Variants in DYM observed in about 807,000 individuals in gnomAD.
DYM encodes dymeclin, also known as dyggve-Melchior-Clausen syndrome protein.
DYM carries 78 observed loss-of-function variants against 93.1 expected under a neutral mutation model. The observed-to-expected ratio is 0.84, with a 90% CI of 0.70 to 1.01. The LOEUF (loss-of-function observed/expected upper bound fraction) is 1.01, where lower values mean the gene tolerates loss of function less well. Among genes scored for constraint, DYM ranks in the 50% least tolerant of loss-of-function variants. DYM has a pLI of 0.00. For missense variants in DYM, 789 were observed against 845.0 expected, an observed-to-expected ratio of 0.93 and a Z score of 0.82; for synonymous variants, 321 against 319.7, an observed-to-expected ratio of 1.00 and a Z score of -0.04.
At chr18:49,447,477 A>G (rs571244059) in intron 1 of DYM, 1 of 152,256 alleles carries the variant, frequency 6.6e-6, no homozygotes, top group Non-Finnish European at 1.5e-5. Flanking sequence ...TACAACATTC[A>G]TAAGAACGGT....
Position 49,378,592 on chromosome 18 carries a change from A to T in DYM, c.396T>A (p.Tyr132Ter), listed in dbSNP as rs120074162. ...SEEELQLHFTYEEKSPGNYSS... is the reference protein window; with the variant it reads ...SEEELQLHFT ...TGTAATTGCCAGGAGATTTTTCTTC[A>T]TAAGTAAAATGAAGTTGTAATTCCT... is the stretch of plus-strand genomic sequence containing the variant. The change falls in exon 5 of 18, where the codon TAT becomes TAA. Residue 132 changes from tyrosine to a stop codon, truncating the protein, a stop_gained. Transcript: ENST00000675505. LOFTEE classifies it high-confidence loss of function. 9 of 1,611,986 alleles carry T rather than the reference A, an allele frequency of 5.6e-6. No individual in the cohort carries two copies. The highest frequency in any genetic ancestry group is 4.0e-5 in the African/African-American group (3 of 74,976).
chr18:49,214,306 A>G (rs1378555794), intron 13 of DYM, among the ~76,000 whole-genome samples: 1 of 152,220 alleles, frequency 6.6e-6, no homozygotes, highest in East Asian at 1.9e-4. Context: ...CAGTGGTGGC[A>G]TTAGATTCTC....
At chr18:49,448,322 CTGGAACCATT>C (rs1814282142) in intron 1 of DYM, among the ~76,000 whole-genome samples, 1 of 152,172 alleles carries the variant, frequency 6.6e-6, no homozygotes, top group Non-Finnish European at 1.5e-5. Flanking sequence ...TGGAAGTTAA[CTGGAACCATT>C]ATCTAAGGGT....
intron 1 of DYM, among the ~76,000 whole-genome samples, chr18:49,446,096 C>T (rs913276522): frequency 4.6e-5 from 7 of 152,036 alleles, no homozygotes; most frequent in African/African-American, 1.7e-4. Flanking sequence ...GATTTATAAA[C>T]GCAGAGGTAA....
At chr18:49,056,458 C>T (rs749480761) in intron 17 of DYM, among the ~76,000 whole-genome samples, 21 of 152,232 alleles carry the variant, frequency 1.4e-4, no homozygotes, top group Non-Finnish European at 2.8e-4. Context: ...TAAAAATATT[C>T]GTATTTGTAA....
Position 49,292,627 on chromosome 18 carries a change from C to CA in DYM, c.764-6012_764-6011insT, listed in dbSNP as rs1182623256. ...AAAAAAAAAAAAAAAAAAAAAAAAC[C>CA]CCCACAAAAACCTGTCCACCAGAAA... On this transcript the variant is annotated intron_variant, in intron 8 of 17. Coordinates refer to ENST00000675505, the MANE Select transcript of DYM (RefSeq NM_001353214.3). 2.0e-3 allele frequency among the ~76,000 whole-genome samples: 237 copies of CA among 115,904 alleles called. 17 individuals are homozygous for CA. Among genetic ancestry groups the CA allele is most frequent in the African/African-American group, 5.5e-3 (181 of 33,198 alleles). The allele number at this position is 115,904 out of a possible 152,430, so 76.0% of individuals were successfully genotyped here. A position where few individuals can be genotyped will look rare whatever the true frequency, so the allele number is the denominator to read the frequency against.
chr18:49,119,247 C>T (rs8096141), intron 15 of DYM, among the ~76,000 whole-genome samples: 15,956 of 152,088 alleles, frequency 0.1, 1,105 homozygotes, highest in East Asian at 0.25. Flanking sequence ...TTCTCATTAT[C>T]GTATTACCCT....
chr18:49,191,457 A>G (rs1260011667), intron 14 of DYM, among the ~76,000 whole-genome samples: 1 of 152,210 alleles, frequency 6.6e-6, no homozygotes, highest in Non-Finnish European at 1.5e-5. Flanking sequence ...ACCTGTATAA[A>G]AAATCAAAAC....
chr18:49,245,980 A>ACTG (rs1209655987), intron 13 of DYM, among the ~76,000 whole-genome samples: 1 of 152,226 alleles, frequency 6.6e-6, no homozygotes, highest in East Asian at 1.9e-4. Context: ...CCGATAGGTG[A>ACTG]CTGCTATTCA....
At chr18:49,100,156 T>C (rs1050481158) in intron 16 of DYM, among the ~76,000 whole-genome samples, 2 of 152,142 alleles carry the variant, frequency 1.3e-5, no homozygotes, top group Admixed American at 1.3e-4. Flanking sequence ...GCCAATACTA[T>C]TAGTAAAACT....
At chr18:49,247,848 A>G (rs1375964856) in intron 13 of DYM, among the ~76,000 whole-genome samples, 10 of 152,240 alleles carry the variant, frequency 6.6e-5, no homozygotes, top group East Asian at 3.8e-4. Flanking sequence ...AATGTTCTCA[A>G]TGTAACTCCT....
chr18:49,102,973 T>A (rs977209687), intron 16 of DYM, among the ~76,000 whole-genome samples: 3 of 152,194 alleles, frequency 2.0e-5, no homozygotes, highest in Admixed American at 2.0e-4. Flanking sequence ...TAGTTCTAGA[T>A]CCTTGAGGAA....
intron 8 of DYM, among the ~76,000 whole-genome samples, chr18:49,330,884 T>C (rs979964641): frequency 8.5e-5 from 13 of 152,198 alleles, no homozygotes; most frequent in Admixed American, 2.6e-4. Flanking sequence ...ACTCAATTCA[T>C]AATATTAAAA....
chr18:49,076,342 T>C (rs1468552511), intron 17 of DYM, among the ~76,000 whole-genome samples: 1 of 152,226 alleles, frequency 6.6e-6, no homozygotes. Context: ...GCTGCAGATA[T>C]TATGCCAAAA....
chr18:49,079,297 T>A (rs2077578421), intron 17 of DYM, among the ~76,000 whole-genome samples: 1 of 152,266 alleles, frequency 6.6e-6, no homozygotes, highest in African/African-American at 2.4e-5. Context: ...ACTTGATTGC[T>A]GTGTGCAGAA....
intron 16 of DYM, among the ~76,000 whole-genome samples, chr18:49,102,782 A>G (rs894371685): frequency 1.3e-5 from 2 of 152,152 alleles, no homozygotes; most frequent in Non-Finnish European, 2.9e-5. Flanking sequence ...TCCATGGTGT[A>G]TATGTGCCAC....
At chr18:49,318,557 G>A (rs995906900) in intron 8 of DYM, among the ~76,000 whole-genome samples, 3 of 152,056 alleles carry the variant, frequency 2.0e-5, no homozygotes, top group Admixed American at 6.5e-5. Context: ...GGGAGTCAGA[G>A]GTTGTAGTGA....
intron 13 of DYM, among the ~76,000 whole-genome samples, chr18:49,217,120 G>A (rs2093098889): frequency 6.6e-6 from 1 of 152,202 alleles, no homozygotes; most frequent in African/African-American, 2.4e-5. Context: ...GAAGCCTCAG[G>A]AGCCAATGCG....
At chr18:49,408,928 C>T (rs1425205355) in intron 2 of DYM, among the ~76,000 whole-genome samples, 5 of 152,158 alleles carry the variant, frequency 3.3e-5, no homozygotes, top group Non-Finnish European at 5.9e-5. Flanking sequence ...CTGGCCTAAA[C>T]TTCAAGAATG....
Sources: gnomAD v4.1 joint callset for allele counts (sites outside exome capture counted in the v4.1 genomes callset) on GRCh38, gnomAD v4.1.1 for gene constraint, MANE v1.5 for transcripts, NCBI Gene and HGNC (gene_info 2026-07-23, HGNC 2026-07-21) for gene names.